Variants in CREBRF observed in about 807,000 individuals in gnomAD.
The protein encoded by CREBRF is CREB3 regulatory factor.
A neutral mutation model predicts 66.1 loss-of-function variants in CREBRF; 5 were observed. The observed-to-expected ratio is 0.08, with a 90% CI of 0.04 to 0.16. CREBRF has a LOEUF of 0.16. Among genes scored for constraint, CREBRF ranks in the 10% least tolerant of loss-of-function variants. CREBRF has a pLI of 1.00. For synonymous variants in CREBRF, 229 were observed against 264.4 expected (o/e 0.87, Z 1.30); for missense variants, 531 against 744.9 (o/e 0.71, Z 3.34).
At chr5:173,123,244 G>A (rs1561816727) in intron 8 of CREBRF, 42 bp downstream of exon 8, 1 of 1,554,890 alleles carries the variant, frequency 6.4e-7, no homozygotes, top group Non-Finnish European at 8.7e-7. Flanking sequence ...TTAATAATAT[G>A]TGTAAGATGT....
intron 1 of CREBRF, among the ~76,000 whole-genome samples, chr5:173,071,123 G>A (rs1351657299): frequency 1.3e-5 from 2 of 152,126 alleles, no homozygotes; most frequent in African/African-American, 4.8e-5. Context: ...CTATCTTGAG[G>A]ATTAGGGGAA....
intron 1 of CREBRF, among the ~76,000 whole-genome samples, chr5:173,056,955 G>T (rs1341840200): frequency 6.6e-6 from 1 of 151,914 alleles, no homozygotes; most frequent in Non-Finnish European, 1.5e-5. Flanking sequence ...GTGAGGAAGG[G>T]CCGGGGCCGC....
At chr5:173,110,867 G>A (rs1316074312) in intron 6 of CREBRF, among the ~76,000 whole-genome samples, 156 bp downstream of exon 6, 2 of 152,084 alleles carry the variant, frequency 1.3e-5, no homozygotes, top group Admixed American at 6.5e-5. Context: ...AGTAGAAGAC[G>A]GTATTTTTGT....
intron 8 of CREBRF, among the ~76,000 whole-genome samples, chr5:173,133,428 A>G (rs548061434): frequency 3.3e-5 from 5 of 152,148 alleles, no homozygotes; most frequent in Admixed American, 2.6e-4. Flanking sequence ...CCTTGGTTTG[A>G]CTTTTCTAAT....
chr5:173,129,478 T>C (rs1759357580), intron 8 of CREBRF, among the ~76,000 whole-genome samples: 1 of 152,070 alleles, frequency 6.6e-6, no homozygotes, highest in South Asian at 2.1e-4. Context: ...TCTCAACATT[T>C]TGGGAGACCA....
At chr5:173,085,134 G>A (rs1277152465) in intron 2 of CREBRF, among the ~76,000 whole-genome samples, 1 of 151,672 alleles carries the variant, frequency 6.6e-6, no homozygotes, top group Non-Finnish European at 1.5e-5. Flanking sequence ...GTAGAGACAG[G>A]GTTTTGCCAT....
chr5:173,103,364 T>G (rs554966051), intron 4 of CREBRF, among the ~76,000 whole-genome samples: 43 of 152,366 alleles, frequency 2.8e-4, no homozygotes, highest in African/African-American at 1.0e-3. Context: ...TTGGACTTTA[T>G]TCACATTTGC....
intron 4 of CREBRF, among the ~76,000 whole-genome samples, chr5:173,107,401 T>C (rs1185144325): frequency 6.6e-6 from 1 of 152,172 alleles, no homozygotes; most frequent in East Asian, 1.9e-4. Context: ...TTTAGATTTA[T>C]AGGTCATTCA....
chr5:173,117,338 C>T (rs1759013163), intron 7 of CREBRF, among the ~76,000 whole-genome samples: 1 of 149,864 alleles, frequency 6.7e-6, no homozygotes, highest in Non-Finnish European at 1.5e-5. Flanking sequence ...GAGATTGTGC[C>T]ATTGCACTCC....
At chr5:173,124,715 G>C (rs1380341482) in intron 8 of CREBRF, 1 of 151,810 alleles carries the variant, frequency 6.6e-6, no homozygotes, top group Non-Finnish European at 1.5e-5. Flanking sequence ...GTCATTTTTA[G>C]TTGACATTTT....
intron 7 of CREBRF, among the ~76,000 whole-genome samples, chr5:173,118,163 G>A (rs1028802867): frequency 2.0e-5 from 3 of 151,302 alleles, no homozygotes; most frequent in Non-Finnish European, 4.4e-5. Context: ...CGTGAGCCAC[G>A]GTGCCTGGCC....
chr5:173,100,623 C>T (rs987863292), intron 4 of CREBRF, among the ~76,000 whole-genome samples: 1 of 152,088 alleles, frequency 6.6e-6, no homozygotes, highest in Non-Finnish European at 1.5e-5. Context: ...AGTGTTTCAC[C>T]ATGTTGGCCC....
At chr5:173,105,403 A>G (rs1045920123) in intron 4 of CREBRF, among the ~76,000 whole-genome samples, 9 of 152,180 alleles carry the variant, frequency 5.9e-5, no homozygotes, top group African/African-American at 2.2e-4. Flanking sequence ...TGAGGTGTTC[A>G]CAGTCAAACT....
intron 3 of CREBRF, among the ~76,000 whole-genome samples, chr5:173,087,331 C>T (rs966836518): frequency 2.6e-5 from 4 of 152,088 alleles, no homozygotes; most frequent in Non-Finnish European, 4.4e-5. Flanking sequence ...GATCTGCCCG[C>T]CTCGGCTTCC....
At chr5:173,068,199 ACTGC>A in intron 1 of CREBRF, 1 of 434,508 alleles carries the variant, frequency 2.3e-6, no homozygotes, top group Non-Finnish European at 4.6e-6. Context: ...AAGAATACTG[ACTGC>A]CTGATGGAGG....
chr5:173,089,246 A>G (rs1758257655), intron 3 of CREBRF, among the ~76,000 whole-genome samples: 1 of 151,120 alleles, frequency 6.6e-6, no homozygotes, highest in Non-Finnish European at 1.5e-5. Context: ...CACCCCAAAA[A>G]TTAAAGAAAA....
chr5:173,124,858 T>A (rs1400049324), intron 8 of CREBRF, among the ~76,000 whole-genome samples: 1 of 151,832 alleles, frequency 6.6e-6, no homozygotes, highest in East Asian at 1.9e-4. Context: ...ATCTTTAGTA[T>A]TCGTCTGTCT....
intron 4 of CREBRF, among the ~76,000 whole-genome samples, chr5:173,101,887 C>G (rs1179674602): frequency 1.3e-5 from 2 of 152,160 alleles, no homozygotes; most frequent in Admixed American, 1.3e-4. Flanking sequence ...GCCCCTTTCT[C>G]TTTCTTTACT....
At chr5:173,120,683 C>CTTCTT (rs1759117673) in intron 7 of CREBRF, among the ~76,000 whole-genome samples, 1 of 51,218 alleles carries the variant, frequency 2.0e-5, no homozygotes. Flanking sequence ...GCCTGAGCCT[C>CTTCTT]TTTTTTTTTT....
Sources: allele counts gnomAD v4.1 joint callset (sites outside exome capture counted in the v4.1 genomes callset), GRCh38; gene constraint gnomAD v4.1.1; transcripts MANE v1.5; gene names NCBI Gene and HGNC (gene_info 2026-07-23, HGNC 2026-07-21).